The following XRN1 variants were observed in gnomAD, a reference collection of about 807,000 sequenced individuals.
XRN1 encodes the protein strand-exchange protein 1 homolog.
XRN1 carries 67 observed loss-of-function variants against 222.3 expected under a neutral mutation model. That is an observed-to-expected ratio of 0.30 (90% CI 0.25 to 0.37). XRN1 has a LOEUF of 0.37. Ranked by LOEUF, XRN1 falls within the 10% of genes least tolerant of loss-of-function variation. XRN1 has a pLI of 1.00. For synonymous variants in XRN1, 643 were observed against 652.4 expected (o/e 0.99, Z 0.22); for missense variants, 1,707 against 2,000.2 (o/e 0.85, Z 2.80).
In XRN1 at chr3:142,365,082, A is replaced by G. The variant is rs766861239; in HGVS notation, c.3359T>C (p.Val1120Ala). Residue 1120 changes from valine (V) to alanine (A), a missense_variant, in exon 29 of 41, where the codon GTT (valine) becomes GCT (alanine). Coordinates refer to ENST00000392981, the MANE Select transcript of XRN1 (RefSeq NM_001282857.2). The part of the protein sequence containing the change: ...VNVRENFSVP[V>A]GLRGTIIGIK... ...TCCTATGATGGTGCCTCGAAGGCCA[A>G]CTGGAACTGAGAAGTTTTCTCTCAC... The G allele has an allele frequency of 1.2e-5, 19 of 1,613,382 alleles. No individual in the cohort carries two copies. Among genetic ancestry groups the G allele is most frequent in the Admixed American group, 1.7e-5 (1 of 59,930 alleles).
intron 24 of XRN1, 140 bp downstream of exon 24, chr3:142,376,339 T>C: frequency 1.3e-6 from 1 of 777,160 alleles, no homozygotes; most frequent in Non-Finnish European, 2.1e-6. Context: ...GATGAAAGAT[T>C]ACCATCAGAG....
intron 20 of XRN1, among the ~76,000 whole-genome samples, chr3:142,385,055 G>C (rs2067442078): frequency 6.6e-6 from 1 of 152,168 alleles, no homozygotes. Flanking sequence ...AGCTGTTGTG[G>C]AAAACGGTTT....
rs772423241 is a variant in XRN1, at chr3:142,310,696, C to T, written c.*815G>A. 7.9e-5 allele frequency: 12 copies of T among 152,524 alleles called. No homozygotes were observed. Among genetic ancestry groups the T allele is most frequent in the Non-Finnish European group, 1.8e-4 (12 of 68,016 alleles). The allele number at this position is 152,524 out of a possible 1,614,324, so 9.4% of individuals were successfully genotyped here. ...TAATACAGTTTATTAATTAACATGA[C>T]TAATATTTCATATTTTATTTTGTTA... On this transcript the variant is annotated 3_prime_UTR_variant, in exon 41 of 41. Transcript: ENST00000392981.
chr3:142,369,064 G>A (rs1369883698), intron 27 of XRN1, among the ~76,000 whole-genome samples: 7 of 152,076 alleles, frequency 4.6e-5, no homozygotes, highest in East Asian at 3.9e-4. Context: ...TCAAACTCAG[G>A]GTGTTAGGGG....
chr3:142,371,321 C>G lies in XRN1; in HGVS notation c.2986G>C (p.Glu996Gln). ...LLAEYLERAP[E>Q]LFSYIAKNSQ... is the part of the protein sequence containing the mutation. ...TTTTTGGCTATATAACTAAATAGTT[C>G]TGGAGCTCTGGTCAAACAAACAAAA... Residue 996 changes from glutamate (E) to glutamine (Q), a missense_variant, in exon 26 of 41, where the codon GAA becomes CAA. Transcript: ENST00000392981. 1 of 1,609,874 alleles carries G rather than the reference C, an allele frequency of 6.2e-7. No homozygotes were observed. Among genetic ancestry groups the G allele is most frequent in the Non-Finnish European group, 8.5e-7 (1 of 1,178,992 alleles).
chr3:142,312,999 C>T (rs1430516965), intron 39 of XRN1: 1 of 1,028,404 alleles, frequency 9.7e-7, no homozygotes, highest in Non-Finnish European at 1.4e-6. Context: ...AAGGAGAATA[C>T]TACTACTAAT....
At position 142,384,174 on chromosome 3, in the gene XRN1, T is replaced by C. The variant is rs566910189; in HGVS notation, c.2502+349A>G. Among the ~76,000 whole-genome samples, 4 of 148,536 alleles carry C rather than the reference T, an allele frequency of 2.7e-5. No individual in the cohort carries two copies. The East Asian group carries it at 8.0e-4, about 30-fold the overall frequency. ...GTAGTCCCAGCTACTCGGGAAGCTG[T>C]GGCAGGAGAATGGCGTGAACCCAGA... On this transcript the variant is annotated intron_variant, in intron 21 of 40. Transcript: ENST00000392981.
intron 16 of XRN1, among the ~76,000 whole-genome samples, chr3:142,404,668 T>C (rs2068278980): frequency 6.6e-6 from 1 of 152,094 alleles, no homozygotes; most frequent in African/African-American, 2.4e-5. Flanking sequence ...ACACTTTTAA[T>C]AGAAGAAGGA....
Position 142,311,232 on chromosome 3 carries a change from C to A in XRN1, c.*279G>T. ...CATTTTAATGTTTAGTCCACTGATACTGTGATATTATTTTAATGCAAGGTT... is the reference window on the plus strand; with the variant it reads ...CATTTTAATGTTTAGTCCACTGATAATGTGATATTATTTTAATGCAAGGTT... On this transcript the variant is annotated 3_prime_UTR_variant, in exon 41 of 41. Transcript: ENST00000392981. 4.3e-6 allele frequency: 1 copy of A among 234,356 alleles called. No homozygotes were observed. Among genetic ancestry groups the A allele is most frequent in the Non-Finnish European group, 8.3e-6 (1 of 119,920 alleles). 14.5% of individuals were successfully genotyped at this position (234,356 alleles called of 1,614,324 possible).
At chr3:142,440,700 G>C (rs147604125) in intron 1 of XRN1, among the ~76,000 whole-genome samples, 10,583 of 151,652 alleles carry the variant, frequency 0.07, 1,239 homozygotes, top group African/African-American at 0.24. Context: ...TGAGGCTGTT[G>C]TTCCTCTATA....
chr3:142,431,073 A>G (rs568497916), intron 2 of XRN1, among the ~76,000 whole-genome samples: 6 of 152,226 alleles, frequency 3.9e-5, no homozygotes, highest in Admixed American at 6.5e-5. Context: ...CATTCAATAC[A>G]CGTTTGTTGA....
At chr3:142,414,659 C>T (rs1360445627) in intron 13 of XRN1, among the ~76,000 whole-genome samples, 3 of 152,070 alleles carry the variant, frequency 2.0e-5, no homozygotes, top group Non-Finnish European at 4.4e-5. Flanking sequence ...CTATGCCAGG[C>T]TAATTTTTTG....
At chr3:142,405,138 G>C in intron 15 of XRN1, 62 bp from the exon 16 acceptor site, 1 of 1,524,476 alleles carries the variant, frequency 6.6e-7, no homozygotes, top group Non-Finnish European at 9.0e-7. Context: ...TCAACAAACA[G>C]AATAAGTCTT....
chr3:142,404,955 GGATA>G lies in XRN1; in HGVS notation c.1831_1834del (p.Tyr611LeufsTer11). The G allele has an allele frequency of 6.2e-7, 1 of 1,613,968 alleles. No individual in the cohort carries two copies. The highest frequency in any genetic ancestry group is 8.5e-7 in the Non-Finnish European group (1 of 1,179,916). On this transcript the variant is annotated frameshift_variant, in exon 16 of 41. Transcript: ENST00000392981. LOFTEE classifies it high-confidence loss of function. ...AGGGAACTTTTCTGGCCATGGAGAA[GGATA>G]GATAAACTCTGTGTCTCTATCATAC...
chr3:142,334,811 T>C (rs892538025), intron 34 of XRN1, among the ~76,000 whole-genome samples: 1 of 145,264 alleles, frequency 6.9e-6, no homozygotes, highest in Non-Finnish European at 1.5e-5. Context: ...CAAAAGACCA[T>C]ATATATTGGG....
intron 18 of XRN1, among the ~76,000 whole-genome samples, chr3:142,401,672 C>T (rs1028310549): frequency 4.6e-5 from 7 of 152,140 alleles, no homozygotes; most frequent in Non-Finnish European, 7.4e-5. Flanking sequence ...CAAGATAGCG[C>T]CACTGCACTC....
chr3:142,431,258 G>C (rs2069509617), intron 2 of XRN1, among the ~76,000 whole-genome samples: 2 of 152,168 alleles, frequency 1.3e-5, no homozygotes, highest in African/African-American at 4.8e-5. Context: ...TATAAGCAAG[G>C]AACAGGGAAT....
chr3:142,436,267 A>G (rs1023608137), intron 1 of XRN1, among the ~76,000 whole-genome samples: 3 of 152,178 alleles, frequency 2.0e-5, no homozygotes, highest in South Asian at 2.1e-4. Context: ...GCTTTGGGGA[A>G]GCACATATTT....
Position 142,432,751 on chromosome 3 carries a change from C to G in XRN1, c.218G>C (p.Arg73Pro). The G allele has an allele frequency of 2.5e-6, 4 of 1,613,504 alleles. No individual in the cohort carries two copies. Among genetic ancestry groups the G allele is most frequent in the Non-Finnish European group, 3.4e-6 (4 of 1,179,826 alleles). ...GAACACTTTCCTGGGTTTAATAATGCGAAACAACACCTCCAGGTAGTGAAA... is the reference window on the plus strand; with the variant it reads ...GAACACTTTCCTGGGTTTAATAATGGGAAACAACACCTCCAGGTAGTGAAA... The part of the protein sequence containing the change: ...DIFHYLEVLF[R>P]IIKPRKVFFM... The change falls in exon 2 of 41, where the codon CGC (arginine) becomes CCC (proline). Residue 73 changes from arginine to proline, a missense_variant. Arg to Pro is a moderately radical substitution (Grantham distance 103). Around this residue, in one of 2 missense-constraint regions of XRN1, gnomAD observed 1,234 missense variants for 1,518.2 expected, o/e 0.81. Coordinates refer to ENST00000392981, the MANE Select transcript of XRN1 (RefSeq NM_001282857.2).
Sources: gnomAD v4.1 joint callset for allele counts (sites outside exome capture counted in the v4.1 genomes callset) on GRCh38, gnomAD v4.1.1 for gene constraint, gnomAD v4.1.1 regional missense constraint, MANE v1.5 for transcripts, NCBI Gene and HGNC (gene_info 2026-07-23, HGNC 2026-07-21) for gene names.